Variants in NEDD4L observed in about 807,000 individuals in gnomAD.
The protein encoded by NEDD4L is E3 ubiquitin-protein ligase NEDD4-like.
In NEDD4L, 54 loss-of-function variants were observed where a neutral mutation model predicts 148.9. That is an observed-to-expected ratio of 0.36 (90% CI 0.29 to 0.45). The LOEUF is 0.45. NEDD4L is among the 20% of genes least tolerant of loss of function. The pLI is 1.00. For synonymous variants in NEDD4L, 433 were observed against 440.7 expected (o/e 0.98, Z 0.22); for missense variants, 856 against 1,233.8 (o/e 0.69, Z 4.59).
intron 1 of NEDD4L, among the ~76,000 whole-genome samples, chr18:58,164,189 GT>G (rs71173037): frequency 0.11 from 16,909 of 151,890 alleles, 1,216 homozygotes; most frequent in East Asian, 0.21. Flanking sequence ...GAGTCCCTCT[GT>G]AAAGAAGCCC....
chr18:58,370,488 C>A (rs748240928), intron 23 of NEDD4L, 21 bp downstream of exon 23: 2 of 1,499,448 alleles, frequency 1.3e-6, no homozygotes, highest in South Asian at 1.1e-5. Flanking sequence ...GCACGTCACA[C>A]ACTGGCCATC....
chr18:58,122,887 C>A (rs1446146058), intron 1 of NEDD4L, among the ~76,000 whole-genome samples: 1 of 152,004 alleles, frequency 6.6e-6, no homozygotes, highest in Non-Finnish European at 1.5e-5. Flanking sequence ...TGTGTGCCAC[C>A]ACGCCTGGCT....
intron 6 of NEDD4L, among the ~76,000 whole-genome samples, chr18:58,317,392 A>G (rs1601146906): frequency 6.6e-6 from 1 of 152,162 alleles, no homozygotes; most frequent in African/African-American, 2.4e-5. Context: ...TGAAGCTGCG[A>G]TCCTCTCACA....
At chr18:58,159,853 A>G (rs2035976803) in intron 1 of NEDD4L, among the ~76,000 whole-genome samples, 2 of 152,212 alleles carry the variant, frequency 1.3e-5, no homozygotes, top group African/African-American at 4.8e-5. Flanking sequence ...GAAGGTAAAT[A>G]CATGAATTAA....
At chr18:58,109,581 T>TG (rs2085295148) in intron 1 of NEDD4L, among the ~76,000 whole-genome samples, 2 of 148,254 alleles carry the variant, frequency 1.3e-5, no homozygotes, top group Middle Eastern at 3.2e-3. Flanking sequence ...TGTTTTTTTT[T>TG]TTTTTTTTGA....
At chr18:58,103,606 T>G (rs923834521) in intron 1 of NEDD4L, among the ~76,000 whole-genome samples, 1 of 152,210 alleles carries the variant, frequency 6.6e-6, no homozygotes, top group Non-Finnish European at 1.5e-5. Context: ...TTCTGTGGCC[T>G]TCTTGGCTAT....
chr18:58,391,385 G>T, intron 29 of NEDD4L, 102 bp from the exon 30 acceptor site: 1 of 913,176 alleles, frequency 1.1e-6, no homozygotes, highest in Non-Finnish European at 1.8e-6. Context: ...CTCACCCCTG[G>T]GGGCAAACCC....
rs1196348319 is a variant in NEDD4L, at chr18:58,266,433, ATG to A, written c.297+14381_297+14382del. 1.3e-5 allele frequency among the ~76,000 whole-genome samples: 2 copies of A among 152,156 alleles called. 1 individual carries two copies. The highest frequency in any genetic ancestry group is 2.9e-5 in the Non-Finnish European group (2 of 67,988). On this transcript the variant is annotated intron_variant, in intron 5 of 30. Coordinates refer to ENST00000400345, the MANE Select transcript of NEDD4L (RefSeq NM_001144967.3). ...CACCAGATGTTTTTCTTAGTGATTC[ATG>A]TAAGTTCTCATATGTATATCTTTTC... is the stretch of plus-strand genomic sequence containing the variant.
chr18:58,280,743 T>C (rs2052934253), intron 5 of NEDD4L, among the ~76,000 whole-genome samples: 1 of 152,186 alleles, frequency 6.6e-6, no homozygotes, highest in South Asian at 2.1e-4. Context: ...CATTATTTTT[T>C]GCTGTCTCCA....
At position 58,366,331 on chromosome 18, in the gene NEDD4L, C is replaced by T; in HGVS notation, c.2063+103C>T. On this transcript the variant is annotated intron_variant, in intron 21 of 30. Coordinates refer to ENST00000400345, the MANE Select transcript of NEDD4L (RefSeq NM_001144967.3). This position sits in a 1 kb window ranked among gnomAD's most constrained non-coding sequence, Gnocchi z 4.2. ...AGCTCATGAGTTCGAGATGCATTAA[C>T]TCTGCTGAGTTTGTTCTCTCCTCAC... 1.2e-6 allele frequency: 1 copy of T among 801,964 alleles called. No individual in the cohort carries two copies. The allele number at this position is 801,964 out of a possible 1,614,324, so 49.7% of individuals were successfully genotyped here.
At chr18:58,385,702 G>A (rs1360354391) in intron 26 of NEDD4L, 116 bp downstream of exon 26, 2 of 835,376 alleles carry the variant, frequency 2.4e-6, no homozygotes, top group Non-Finnish European at 4.0e-6. Context: ...GGCGAGGCTG[G>A]GGACCCTGCA....
intron 1 of NEDD4L, among the ~76,000 whole-genome samples, chr18:58,138,414 T>C (rs1482343660): frequency 8.6e-6 from 1 of 116,324 alleles, no homozygotes; most frequent in Non-Finnish European, 1.9e-5. Flanking sequence ...TCATGAAGCA[T>C]GTGCACAGGT....
chr18:58,196,955 G>A (rs907699725), intron 2 of NEDD4L, among the ~76,000 whole-genome samples: 17 of 152,146 alleles, frequency 1.1e-4, no homozygotes, highest in Admixed American at 7.9e-4. Flanking sequence ...GGAGGGCACC[G>A]AGCATGTGCA....
chr18:58,056,627 C>A (rs2082097021), intron 1 of NEDD4L, among the ~76,000 whole-genome samples: 1 of 152,068 alleles, frequency 6.6e-6, no homozygotes, highest in African/African-American at 2.4e-5. Flanking sequence ...GTAGCCCAAG[C>A]AAGAGTGCAG....
At chr18:58,290,113 A>C (rs946981067) in intron 5 of NEDD4L, among the ~76,000 whole-genome samples, 6 of 152,234 alleles carry the variant, frequency 3.9e-5, no homozygotes, top group Non-Finnish European at 8.8e-5. Context: ...AAACTCCTAG[A>C]CATTAGACTT....
intron 5 of NEDD4L, among the ~76,000 whole-genome samples, chr18:58,265,771 C>T (rs1172515471): frequency 1.3e-5 from 2 of 152,000 alleles, no homozygotes; most frequent in African/African-American, 4.8e-5. Context: ...ACTATGTTGC[C>T]CAGGCTGGTC....
At chr18:58,351,239 T>C in intron 18 of NEDD4L, 194 bp downstream of exon 18, 4 of 924,562 alleles carry the variant, frequency 4.3e-6, no homozygotes, top group African/African-American at 1.8e-5. Flanking sequence ...AAGTAGCCCA[T>C]CAAACTTTCA....
At chr18:58,239,548 A>G (rs1430959198) in intron 2 of NEDD4L, among the ~76,000 whole-genome samples, 1 of 152,200 alleles carries the variant, frequency 6.6e-6, no homozygotes. Flanking sequence ...CTCAGCAAAG[A>G]CTATTTATTC....
intron 1 of NEDD4L, among the ~76,000 whole-genome samples, chr18:58,156,628 A>G (rs2035536233): frequency 6.6e-6 from 1 of 152,126 alleles, no homozygotes; most frequent in South Asian, 2.1e-4. Flanking sequence ...CATTTCTGGC[A>G]GCCTACGAGT....
Sources: allele counts gnomAD v4.1 joint callset (sites outside exome capture counted in the v4.1 genomes callset), GRCh38; gene constraint gnomAD v4.1.1; non-coding constraint Gnocchi (gnomAD v3.1); transcripts MANE v1.5; gene names NCBI Gene and HGNC (gene_info 2026-07-23, HGNC 2026-07-21).